CLSTN2: variants seen among roughly 807,000 people sequenced by gnomAD.
CLSTN2 encodes the protein calsyntenin 2.
CLSTN2 carries 48 observed loss-of-function variants against 101.2 expected under a neutral mutation model. That is an observed-to-expected ratio of 0.47 (90% confidence interval 0.38 to 0.60). CLSTN2 has a LOEUF of 0.60. CLSTN2 is among the 20% of genes least tolerant of loss of function. The pLI, the probability that CLSTN2 is intolerant of heterozygous loss-of-function variation, is 0.00. For synonymous variants in CLSTN2, 481 were observed against 463.6 expected (o/e 1.04, Z -0.48); for missense variants, 1,160 against 1,238.2 (o/e 0.94, Z 0.95).
chr3:140,227,302 C>T lies in CLSTN2; in HGVS notation c.232+51229C>T, dbSNP rs143751795. On this transcript the variant is annotated intron_variant, in intron 2 of 16. Transcript: ENST00000458420. ...AAGGGGCTACAGGCTCCATGCAAGT[C>T]TGCAATCCAGCAGGGCAGTCAAATC... Among the ~76,000 whole-genome samples the T allele has an allele frequency of 1.2e-4, 18 of 152,350 alleles. No individual in the cohort carries two copies. In the East Asian group the frequency reaches 3.5e-3, roughly 29 times the overall value.
intron 8 of CLSTN2, among the ~76,000 whole-genome samples, chr3:140,483,229 T>C (rs349511): frequency 0.39 from 59,098 of 152,016 alleles, 12,353 homozygotes; most frequent in African/African-American, 0.56. Flanking sequence ...GCAGGTTGCT[T>C]GGTTTCCATG....
chr3:140,042,988 G>T lies in CLSTN2; in HGVS notation c.109+107505G>T, dbSNP rs193048602. ...GAATAGTGCCACAATAAACATACGAGTGCATGTGTCTTTATAGCAGCATGA... is the reference window on the plus strand; with the variant it reads ...GAATAGTGCCACAATAAACATACGATTGCATGTGTCTTTATAGCAGCATGA... On this transcript the variant is annotated intron_variant, in intron 1 of 16. Transcript: ENST00000458420. 1.6e-3 allele frequency among the ~76,000 whole-genome samples: 248 copies of T among 152,294 alleles called. 2 individuals carry two copies. The highest frequency in any genetic ancestry group is 5.7e-3 in the African/African-American group (239 of 41,568).
chr3:140,026,693 C>T (rs1033341622), intron 1 of CLSTN2, among the ~76,000 whole-genome samples: 2 of 152,220 alleles, frequency 1.3e-5, no homozygotes, highest in African/African-American at 2.4e-5. Context: ...GTGATATCTT[C>T]TCTGTCTTTT....
At chr3:140,383,088 T>A (rs1037036317) in intron 2 of CLSTN2, among the ~76,000 whole-genome samples, 1 of 152,210 alleles carries the variant, frequency 6.6e-6, no homozygotes, top group Non-Finnish European at 1.5e-5. Context: ...CATTCAAGCA[T>A]ATTTCACATA....
chr3:140,113,641 A>G (rs1408857123), intron 1 of CLSTN2, among the ~76,000 whole-genome samples: 2 of 152,200 alleles, frequency 1.3e-5, no homozygotes, highest in Non-Finnish European at 2.9e-5. Flanking sequence ...TAAAATTTTA[A>G]AAGACTCCTG....
chr3:140,281,178 A>G (rs1245062799), intron 2 of CLSTN2, among the ~76,000 whole-genome samples: 1 of 152,202 alleles, frequency 6.6e-6, no homozygotes, highest in East Asian at 1.9e-4. Flanking sequence ...ATTCAAAGCA[A>G]GATGGCACAT....
chr3:140,542,253 G>A (rs1316985258), intron 9 of CLSTN2, among the ~76,000 whole-genome samples: 1 of 152,010 alleles, frequency 6.6e-6, no homozygotes, highest in African/African-American at 2.4e-5. Flanking sequence ...TATTTTCAGT[G>A]TCAATATGTT....
rs80106412 is a variant in CLSTN2 at position 140,328,189 on chromosome 3, C to A, written c.233-75440C>A. On this transcript the variant is annotated intron_variant, in intron 2 of 16. Coordinates refer to ENST00000458420, the MANE Select transcript of CLSTN2 (RefSeq NM_022131.3). ...GACTCTGCTCCCAACCAAACCAGGG[C>A]AGACAGACACTTTCAGGCATCTTGC... is the stretch of plus-strand genomic sequence containing the variant. Among the ~76,000 whole-genome samples the A allele has an allele frequency of 4.8e-4, 73 of 152,344 alleles. 1 individual carries two copies. In the East Asian group the frequency reaches 0.011, roughly 24 times the overall value.
At chr3:140,444,537 G>T (rs1170621504) in intron 5 of CLSTN2, among the ~76,000 whole-genome samples, 1 of 152,190 alleles carries the variant, frequency 6.6e-6, no homozygotes, top group Non-Finnish European at 1.5e-5. Flanking sequence ...TCCCTGAAAG[G>T]ATTAAGTGAA....
At chr3:140,129,762 C>T (rs1465321141) in intron 1 of CLSTN2, among the ~76,000 whole-genome samples, 2 of 152,114 alleles carry the variant, frequency 1.3e-5, no homozygotes, top group African/African-American at 4.8e-5. Flanking sequence ...ATCAGCTGGG[C>T]CTGGTGTGTT....
intron 2 of CLSTN2, among the ~76,000 whole-genome samples, chr3:140,277,431 G>T (rs978776197): frequency 2.0e-5 from 3 of 152,192 alleles, no homozygotes; most frequent in African/African-American, 7.2e-5. Flanking sequence ...CTGGGCCTGA[G>T]ACAGATTCCT....
intron 2 of CLSTN2, among the ~76,000 whole-genome samples, chr3:140,377,022 C>CACAGAGAGAGAGAGAGAGAGAGAGAG (rs148236356): frequency 6.7e-6 from 1 of 148,832 alleles, no homozygotes; most frequent in Admixed American, 6.7e-5. Flanking sequence ...CACACATACA[C>CACAGAGAGAGAGAGAGAGAGAGAGAG]AGAGAGAGAG....
intron 1 of CLSTN2, among the ~76,000 whole-genome samples, chr3:140,099,049 G>T (rs913514338): frequency 2.0e-5 from 3 of 152,192 alleles, no homozygotes; most frequent in Non-Finnish European, 4.4e-5. Flanking sequence ...ACAGTCCAGA[G>T]AAGGACATGA....
chr3:140,220,794 C>A (rs2086263816), intron 2 of CLSTN2, among the ~76,000 whole-genome samples: 1 of 152,196 alleles, frequency 6.6e-6, no homozygotes, highest in South Asian at 2.1e-4. Flanking sequence ...GTGATGGGGA[C>A]AGGGCAGTTT....
chr3:139,946,264 A>T (rs1423988624), intron 1 of CLSTN2, among the ~76,000 whole-genome samples: 1 of 152,158 alleles, frequency 6.6e-6, no homozygotes, highest in Admixed American at 6.5e-5. Context: ...AACCCTTAAC[A>T]TGTCACTTCA....
At chr3:140,259,098 C>A (rs971168508) in intron 2 of CLSTN2, among the ~76,000 whole-genome samples, 1 of 151,794 alleles carries the variant, frequency 6.6e-6, no homozygotes, top group African/African-American at 2.4e-5. Flanking sequence ...TTTATCTTAG[C>A]CTCCATGTAT....
intron 1 of CLSTN2, among the ~76,000 whole-genome samples, chr3:139,937,722 C>A (rs982511808): frequency 2.0e-5 from 3 of 152,048 alleles, no homozygotes; most frequent in Non-Finnish European, 4.4e-5. Context: ...CCAGCCTGGG[C>A]AACAAGAATG....
chr3:140,509,073 C>G (rs992402160), intron 8 of CLSTN2, among the ~76,000 whole-genome samples: 2 of 152,096 alleles, frequency 1.3e-5, no homozygotes, highest in Non-Finnish European at 2.9e-5. Flanking sequence ...TGGGAAGGGG[C>G]TGGCTACAGT....
chr3:140,286,909 A>G (rs1447843048), intron 2 of CLSTN2, among the ~76,000 whole-genome samples: 1 of 152,174 alleles, frequency 6.6e-6, no homozygotes, highest in African/African-American at 2.4e-5. Flanking sequence ...GAAGCACAGA[A>G]GCTGGAGGTC....
Sources: allele counts gnomAD v4.1 joint callset (sites outside exome capture counted in the v4.1 genomes callset), GRCh38; gene constraint gnomAD v4.1.1; transcripts MANE v1.5; gene names NCBI Gene and HGNC (gene_info 2026-07-23, HGNC 2026-07-21).